ANKRD11: variants seen among roughly 807,000 people sequenced by gnomAD.
The protein encoded by ANKRD11 is ankyrin repeat domain 11, also known as ankyrin repeat domain-containing protein 11.
ANKRD11 carries 17 observed loss-of-function variants against 195.7 expected under a neutral mutation model. That is an observed-to-expected ratio of 0.09 (90% CI 0.06 to 0.13). ANKRD11 has a LOEUF of 0.13. ANKRD11 is among the 10% of genes least tolerant of loss of function. ANKRD11 has a pLI of 1.00. For synonymous variants in ANKRD11, 1,953 were observed against 1,528.1 expected (o/e 1.28, Z -6.49); for missense variants, 3,735 against 3,566.1 (o/e 1.05, Z -1.21).
intron 9 of ANKRD11, among the ~76,000 whole-genome samples, chr16:89,276,064 G>A (rs1380343535): frequency 1.3e-5 from 2 of 152,210 alleles, no homozygotes; most frequent in African/African-American, 2.4e-5. Flanking sequence ...AGGCGGAGCC[G>A]GGTGGCCAAG....
intron 1 of ANKRD11, among the ~76,000 whole-genome samples, chr16:89,419,898 G>C (rs1035217769): frequency 6.6e-5 from 10 of 152,218 alleles, no homozygotes; most frequent in African/African-American, 2.4e-4. Context: ...TGTGTGATGG[G>C]TGCGCTGGCT....
At position 89,286,097 on chromosome 16, in the gene ANKRD11, C is replaced by A. The variant is rs1003807954; in HGVS notation, c.834G>T (p.Thr278=). The A allele has an allele frequency of 6.2e-7, 1 of 1,614,238 alleles. No homozygotes were observed. The change falls in exon 8 of 13, where the codon ACG becomes ACT. Residue 278 remains threonine, a synonymous_variant. Transcript: ENST00000301030. ...CTTTGCCTAACAGGAGGTTCACCAT[C>A]GTGGGGGAGTTGGCCACTTTCAGCG... ...ETPLKVANSP[T]MVNLLLGKGT... is the part of the protein sequence containing the mutation.
rs761173944 is a variant in ANKRD11, at chr16:89,288,675, A to G, written c.602-5T>C. On this transcript the variant is annotated splice_region_variant and splice_polypyrimidine_tract_variant and intron_variant, in intron 6 of 12. Coordinates refer to ENST00000301030, the MANE Select transcript of ANKRD11 (RefSeq NM_013275.6). ...CCTCGTGCAGCGCCGTCCAGCCTGGAAACAGACACTCAGGACGTACGTTAT... is the reference window on the plus strand; with the variant it reads ...CCTCGTGCAGCGCCGTCCAGCCTGGGAACAGACACTCAGGACGTACGTTAT... 2.5e-6 allele frequency: 4 copies of G among 1,614,054 alleles called. No individual in the cohort carries two copies. The highest frequency in any genetic ancestry group is 1.1e-5 in the South Asian group (1 of 91,086).
intron 1 of ANKRD11, among the ~76,000 whole-genome samples, chr16:89,440,923 G>A (rs975513764): frequency 1.3e-5 from 2 of 152,144 alleles, no homozygotes; most frequent in Non-Finnish European, 2.9e-5. Flanking sequence ...AAGAGAGAGC[G>A]CATCGTGGTT....
At chr16:89,346,111 T>TGCCGGGCGC (rs2038925841) in intron 2 of ANKRD11, among the ~76,000 whole-genome samples, 3 of 150,192 alleles carry the variant, frequency 2.0e-5, no homozygotes, top group African/African-American at 4.9e-5. Flanking sequence ...TAGCCGGGCG[T>TGCCGGGCGC]GGTGCCGGGC....
chr16:89,424,414 C>T (rs893060075), intron 1 of ANKRD11, among the ~76,000 whole-genome samples: 1 of 149,442 alleles, frequency 6.7e-6, no homozygotes, highest in East Asian at 2.0e-4. Flanking sequence ...GCACTCCAGG[C>T]TGGGTGACAA....
chr16:89,427,994 G>A (rs1485888782), intron 1 of ANKRD11, among the ~76,000 whole-genome samples: 2 of 144,844 alleles, frequency 1.4e-5, no homozygotes, highest in African/African-American at 5.1e-5. Context: ...GATCACTTGA[G>A]GTCAGCAGTT....
chr16:89,376,017 C>G (rs1042139967), intron 2 of ANKRD11, among the ~76,000 whole-genome samples: 2 of 152,158 alleles, frequency 1.3e-5, no homozygotes, highest in African/African-American at 4.8e-5. Context: ...GAAGGGCCAT[C>G]ACAAAAAAAG....
At chr16:89,434,425 C>T (rs1185416419) in intron 1 of ANKRD11, among the ~76,000 whole-genome samples, 2 of 152,200 alleles carry the variant, frequency 1.3e-5, no homozygotes, top group African/African-American at 4.8e-5. Flanking sequence ...AAGACCTAGT[C>T]TGAGAAAGAA....
chr16:89,453,838 G>A (rs184308671), intron 1 of ANKRD11, among the ~76,000 whole-genome samples: 47 of 152,260 alleles, frequency 3.1e-4, no homozygotes, highest in African/African-American at 1.0e-3. Context: ...ATTCGAGGCA[G>A]GACTCTGGAG....
chr16:89,433,962 G>A (rs2043106742), intron 1 of ANKRD11, among the ~76,000 whole-genome samples: 1 of 152,200 alleles, frequency 6.6e-6, no homozygotes, highest in Non-Finnish European at 1.5e-5. Flanking sequence ...GGGAGAAGGG[G>A]ACATGGACAC....
At chr16:89,288,074 C>T (rs906559881) in intron 7 of ANKRD11, 41 of 569,698 alleles carry the variant, frequency 7.2e-5, no homozygotes, top group South Asian at 2.4e-5. Context: ...GCTCCTGGGC[C>T]GGCCACAATG....
Position 89,268,655 on chromosome 16 carries a change from G to C in ANKRD11, c.7815C>G (p.Leu2605=). 1 of 1,582,140 alleles carries C rather than the reference G, an allele frequency of 6.3e-7. No homozygotes were observed. Among genetic ancestry groups the C allele is most frequent in the African/African-American group, 1.3e-5 (1 of 74,728 alleles). ...DDKYDRMKTC[L]LMRQQHEAAA... ...CGGCCTCGTGCTGCTGCCGCATGAG[G>C]AGGCAAGTCTGCGGGACACACAGCG... is the stretch of plus-strand genomic sequence containing the variant. Residue 2605 remains leucine, a synonymous_variant, in exon 13 of 13, where the codon CTC becomes CTG. Coordinates refer to ENST00000301030, the MANE Select transcript of ANKRD11 (RefSeq NM_013275.6).
chr16:89,480,443 C>T (rs1401670675), intron 1 of ANKRD11, among the ~76,000 whole-genome samples: 1 of 151,720 alleles, frequency 6.6e-6, no homozygotes, highest in Non-Finnish European at 1.5e-5. Context: ...CACCACTGCA[C>T]TCCAGCCTGG....
chr16:89,300,901 C>T (rs1021942652), intron 4 of ANKRD11: 2 of 701,052 alleles, frequency 2.9e-6, no homozygotes, highest in African/African-American at 3.5e-5. Flanking sequence ...AGCTTCGGCC[C>T]ATGGCGCTCC....
chr16:89,278,558 G>T (rs1273645286), intron 9 of ANKRD11: 1 of 457,066 alleles, frequency 2.2e-6, no homozygotes, highest in South Asian at 1.5e-5. Context: ...GAGGCTGGGG[G>T]CCGAGGACCA....
chr16:89,488,382 C>T (rs556803245), intron 1 of ANKRD11, among the ~76,000 whole-genome samples: 20 of 151,892 alleles, frequency 1.3e-4, no homozygotes, highest in African/African-American at 4.8e-4. Context: ...TAGGGGAGGC[C>T]ACACCAACTA....
rs1419112752 is a variant in ANKRD11 at position 89,291,088 on chromosome 16, C to T, written c.322G>A (p.Gly108Ser). The T allele has an allele frequency of 2.5e-6, 4 of 1,613,758 alleles. No homozygotes were observed. The highest frequency in any genetic ancestry group is 1.7e-6 in the Non-Finnish European group (2 of 1,179,942). ...FGMGLSGIRA[G>S]YPLSERQQVA... ...TGCTGGCGCTCGGAGAGGGGGTAGC[C>T]GGCTCGGATTCCAGACAGCCCCATG... Residue 108 changes from glycine (G) to serine (S), a missense_variant, in exon 5 of 13, where the codon GGC (glycine) becomes AGC (serine). Gly to Ser is a moderately conservative substitution (Grantham distance 56). Transcript: ENST00000301030. This position sits in a 1 kb window ranked among gnomAD's most constrained non-coding sequence, Gnocchi z 5.3.
At position 89,341,432 on chromosome 16, in the gene ANKRD11, C is replaced by T. The variant is rs77057871; in HGVS notation, c.-59-24354G>A. On this transcript the variant is annotated intron_variant, in intron 2 of 12. Coordinates refer to ENST00000301030, the MANE Select transcript of ANKRD11 (RefSeq NM_013275.6). Reference sequence around the variant, plus strand: ...CCCAACGTGAACAGACCCCACCAAGCAGCTTCCCAGCCTTCCAGAAGGTTC... The same window carrying T: ...CCCAACGTGAACAGACCCCACCAAGTAGCTTCCCAGCCTTCCAGAAGGTTC... 3.9e-5 allele frequency among the ~76,000 whole-genome samples: 6 copies of T among 152,254 alleles called. No homozygotes were observed. In the East Asian group the frequency reaches 7.7e-4, roughly 20 times the overall value.
Sources: gnomAD v4.1 joint callset for allele counts (sites outside exome capture counted in the v4.1 genomes callset) on GRCh38, gnomAD v4.1.1 for gene constraint, Gnocchi (gnomAD v3.1) non-coding constraint, MANE v1.5 for transcripts, NCBI Gene and HGNC (gene_info 2026-07-23, HGNC 2026-07-21) for gene names.